BNC2: variants seen among roughly 807,000 people sequenced by gnomAD.
BNC2 encodes zinc finger protein basonuclin-2.
In BNC2, 20 loss-of-function variants were observed where a neutral mutation model predicts 76.3. The observed-to-expected ratio is 0.26, with a 90% confidence interval of 0.18 to 0.38. The LOEUF (loss-of-function observed/expected upper bound fraction) is 0.38, where lower values mean the gene tolerates loss of function less well. Ranked by LOEUF, BNC2 falls within the 10% of genes least tolerant of loss-of-function variation. The pLI is 1.00. For missense variants in BNC2, 1,382 were observed against 1,399.8 expected (o/e 0.99, Z 0.20); for synonymous variants, 582 against 514.8 (o/e 1.13, Z -1.77).
chr9:16,717,423 G>T (rs1292533315), intron 3 of BNC2, among the ~76,000 whole-genome samples: 1 of 152,026 alleles, frequency 6.6e-6, no homozygotes, highest in East Asian at 1.9e-4. Context: ...ACATTCTAAG[G>T]AAAGTATATA....
At chr9:16,585,533 T>C (rs1188579196) in intron 3 of BNC2, among the ~76,000 whole-genome samples, 1 of 152,206 alleles carries the variant, frequency 6.6e-6, no homozygotes, top group Non-Finnish European at 1.5e-5. Flanking sequence ...AAGAGAATTA[T>C]ATATATTTAA....
intron 1 of BNC2, among the ~76,000 whole-genome samples, chr9:16,866,908 T>C (rs1819558574): frequency 6.6e-6 from 1 of 152,106 alleles, no homozygotes; most frequent in South Asian, 2.1e-4. Flanking sequence ...CCACAAGAAA[T>C]GTTTTCCACT....
chr9:16,732,162 A>AAAAAAAAAAAAAAAAAAAG (rs59888253), intron 2 of BNC2, among the ~76,000 whole-genome samples: 60 of 123,488 alleles, frequency 4.9e-4, no homozygotes, highest in African/African-American at 5.6e-4. Context: ...TCCTGCAAAA[A>AAAAAAAAAAAAAAAAAAAG]AAAAAGAAAA....
chr9:16,679,305 T>A (rs879400025), intron 3 of BNC2, among the ~76,000 whole-genome samples: 1 of 152,200 alleles, frequency 6.6e-6, no homozygotes, highest in South Asian at 2.1e-4. Flanking sequence ...AAAAATTCAT[T>A]AAATAATATA....
chr9:16,749,789 G>A (rs1432651711), intron 1 of BNC2, among the ~76,000 whole-genome samples: 3 of 152,038 alleles, frequency 2.0e-5, no homozygotes, highest in African/African-American at 4.8e-5. Context: ...CATGAGATTA[G>A]AAAGCGTATA....
At chr9:16,432,074 A>T (rs575976306) in intron 6 of BNC2, among the ~76,000 whole-genome samples, 1 of 152,216 alleles carries the variant, frequency 6.6e-6, no homozygotes, top group Non-Finnish European at 1.5e-5. Context: ...TATCACTCAG[A>T]ATAAAAATTA....
At chr9:16,656,456 A>G (rs750599732) in intron 3 of BNC2, among the ~76,000 whole-genome samples, 15 of 152,202 alleles carry the variant, frequency 9.9e-5, no homozygotes, top group Non-Finnish European at 1.6e-4. Flanking sequence ...GAATGTTGAA[A>G]GTGGAGTCTG....
chr9:16,827,414 G>C (rs573956893), intron 1 of BNC2, among the ~76,000 whole-genome samples: 24 of 152,332 alleles, frequency 1.6e-4, no homozygotes, highest in African/African-American at 5.8e-4. Flanking sequence ...ACAGGAATTT[G>C]ACTGAGAGTG....
At chr9:16,614,366 A>G (rs1352438687) in intron 3 of BNC2, among the ~76,000 whole-genome samples, 1 of 152,144 alleles carries the variant, frequency 6.6e-6, no homozygotes, top group East Asian at 1.9e-4. Flanking sequence ...AGAGTTAGCA[A>G]TCAACACATG....
chr9:16,846,660 C>T (rs1818989969), intron 1 of BNC2, among the ~76,000 whole-genome samples: 1 of 152,150 alleles, frequency 6.6e-6, no homozygotes, highest in African/African-American at 2.4e-5. Flanking sequence ...CAGTTTGCGG[C>T]CCCAGTCATA....
chr9:16,593,616 G>A (rs560586365), intron 3 of BNC2, among the ~76,000 whole-genome samples: 2 of 151,942 alleles, frequency 1.3e-5, no homozygotes, highest in Non-Finnish European at 2.9e-5. Flanking sequence ...AAAGAAACAT[G>A]AAATGAAAAG....
chr9:16,439,163 G>A (rs1162858770), intron 5 of BNC2, among the ~76,000 whole-genome samples: 1 of 152,120 alleles, frequency 6.6e-6, no homozygotes, highest in African/African-American at 2.4e-5. Flanking sequence ...CCGGCCATGT[G>A]GAATTATGAG....
chr9:16,627,252 A>C (rs922317217), intron 3 of BNC2, among the ~76,000 whole-genome samples: 1 of 152,196 alleles, frequency 6.6e-6, no homozygotes, highest in African/African-American at 2.4e-5. Flanking sequence ...TATTTTACTT[A>C]GACTTTGAAA....
At chr9:16,722,090 G>A (rs1394348532) in intron 3 of BNC2, among the ~76,000 whole-genome samples, 3 of 152,172 alleles carry the variant, frequency 2.0e-5, no homozygotes, top group Admixed American at 6.5e-5. Context: ...GGTAGAGAGA[G>A]GGAGGCACCA....
intron 1 of BNC2, among the ~76,000 whole-genome samples, chr9:16,849,847 C>CA (rs917910059): frequency 1.5e-3 from 228 of 147,098 alleles, no homozygotes; most frequent in African/African-American, 3.6e-3. Flanking sequence ...CCCTAAAGTA[C>CA]AAAAAAAAAA....
intron 5 of BNC2, among the ~76,000 whole-genome samples, chr9:16,533,662 T>G (rs1219208036): frequency 6.6e-6 from 1 of 152,128 alleles, no homozygotes; most frequent in Non-Finnish European, 1.5e-5. Context: ...ATCCACAAAC[T>G]CATTACTTCA....
chr9:16,436,421 G>A lies in BNC2; in HGVS notation c.1773C>T (p.Thr591=), dbSNP rs372343941. 103 of 1,614,104 alleles carry A rather than the reference G, an allele frequency of 6.4e-5. 2 individuals are homozygous for A. The South Asian group carries it at 1.1e-3, about 17-fold the overall frequency. The part of the protein sequence containing the change: ...EMVSPPTSLP[T]SPIIPTSGTI... ...TACCACTGGTTGGAATGATGGGACTGGTTGGGAGGGAGGTTGGAGGACTCA... is the reference window on the plus strand; with the variant it reads ...TACCACTGGTTGGAATGATGGGACTAGTTGGGAGGGAGGTTGGAGGACTCA... The change falls in exon 6 of 7, where the codon ACC becomes ACT. Residue 591 remains threonine, a synonymous_variant. Coordinates refer to ENST00000380672, the MANE Select transcript of BNC2 (RefSeq NM_017637.6).
At chr9:16,537,979 T>A (rs1818179950) in intron 5 of BNC2, among the ~76,000 whole-genome samples, 1 of 152,226 alleles carries the variant, frequency 6.6e-6, no homozygotes, top group Non-Finnish European at 1.5e-5. Flanking sequence ...CAGTAAAGCT[T>A]CCTTCCATCT....
At chr9:16,424,692 G>T (rs1221932513) in intron 6 of BNC2, among the ~76,000 whole-genome samples, 2 of 152,148 alleles carry the variant, frequency 1.3e-5, no homozygotes, top group African/African-American at 4.8e-5. Context: ...TCCAATCTGG[G>T]TAAGTCTAGA....
Sources: gnomAD v4.1 joint callset for allele counts (sites outside exome capture counted in the v4.1 genomes callset) on GRCh38, gnomAD v4.1.1 for gene constraint, MANE v1.5 for transcripts, NCBI Gene and HGNC (gene_info 2026-07-23, HGNC 2026-07-21) for gene names.